The following ACSS3 variants were observed in gnomAD, a reference collection of about 807,000 sequenced individuals.
The protein encoded by ACSS3 is acyl-CoA synthetase short chain family member 3.
Under a neutral mutation model 84.2 loss-of-function variants are expected in ACSS3, and 64 were observed. The observed-to-expected ratio is 0.76, with a 90% CI of 0.62 to 0.94. The LOEUF is 0.94. Ranked by LOEUF, ACSS3 falls within the 40% of genes least tolerant of loss-of-function variation. ACSS3 has a pLI of 0.00. For synonymous variants in ACSS3, 317 were observed against 310.1 expected, an observed-to-expected ratio of 1.02 and a Z score of -0.23; for missense variants, 815 against 867.6, an observed-to-expected ratio of 0.94 and a Z score of 0.76.
chr12:81,152,915 G>C (rs1468010420), intron 7 of ACSS3, among the ~76,000 whole-genome samples: 1 of 152,116 alleles, frequency 6.6e-6, no homozygotes, highest in Non-Finnish European at 1.5e-5. Context: ...AAATCTCTGG[G>C]TATTATAACA....
Position 81,233,620 on chromosome 12 carries a change from T to A in ACSS3, c.1719+149T>A. ...TACTCTTACATCTCTCCCACCTCAC[T>A]TTCTCTTTTAGATATTCATATTCCC... On this transcript the variant is annotated intron_variant, in intron 13 of 15. Transcript: ENST00000548058. 3 of 1,006,936 alleles carry A rather than the reference T, an allele frequency of 3.0e-6. No homozygotes were observed. The East Asian group carries it at 7.8e-5, about 26-fold the overall frequency. The allele number at this position is 1,006,936 out of a possible 1,614,324, so 62.4% of individuals were successfully genotyped here. A position where few individuals can be genotyped will look rare whatever the true frequency, so the allele number is the denominator to read the frequency against.
chr12:81,233,903 A>G (rs978054717), intron 13 of ACSS3, among the ~76,000 whole-genome samples: 1 of 151,592 alleles, frequency 6.6e-6, no homozygotes, highest in African/African-American at 2.4e-5. Context: ...GAGGTTTTTT[A>G]AAATGTTTTA....
At chr12:81,191,088 T>A (rs2031546037) in intron 8 of ACSS3, among the ~76,000 whole-genome samples, 1 of 152,112 alleles carries the variant, frequency 6.6e-6, no homozygotes, top group African/African-American at 2.4e-5. Context: ...AGCTTCTATA[T>A]AACTTATGTT....
At chr12:81,117,284 A>G (rs1884124789) in intron 2 of ACSS3, among the ~76,000 whole-genome samples, 1 of 152,206 alleles carries the variant, frequency 6.6e-6, no homozygotes, top group Non-Finnish European at 1.5e-5. Flanking sequence ...GCATAAAATA[A>G]TCTTTAAGAA....
intron 1 of ACSS3, among the ~76,000 whole-genome samples, chr12:81,096,833 G>C (rs1239367435): frequency 6.6e-6 from 1 of 152,132 alleles, no homozygotes; most frequent in Non-Finnish European, 1.5e-5. Context: ...GTATTCCATG[G>C]TGTATATGTG....
intron 5 of ACSS3, among the ~76,000 whole-genome samples, chr12:81,145,333 C>A (rs1420876767): frequency 1.3e-5 from 2 of 152,042 alleles, no homozygotes; most frequent in Non-Finnish European, 1.5e-5. Context: ...CAATCTATTT[C>A]AATAAATTTG....
rs1266975856 is a variant in ACSS3, at chr12:81,256,134, G to T, written c.*1212G>T. ...GAGGGACAAAGGACAGTAGAAAATG[G>T]TGAAGACTGCAGATCACCTGCTATA... On this transcript the variant is annotated 3_prime_UTR_variant, in exon 16 of 16. Coordinates refer to ENST00000548058, the MANE Select transcript of ACSS3 (RefSeq NM_024560.4). 6.6e-6 allele frequency: 1 copy of T among 152,116 alleles called. No individual in the cohort carries two copies. The highest frequency in any genetic ancestry group is 2.4e-5 in the African/African-American group (1 of 41,430). 9.4% of individuals were successfully genotyped at this position (152,116 alleles called of 1,614,324 possible). A position where few individuals can be genotyped will look rare whatever the true frequency, so the allele number is the denominator to read the frequency against.
intron 10 of ACSS3, among the ~76,000 whole-genome samples, chr12:81,218,626 G>C (rs1022791778): frequency 6.6e-6 from 1 of 152,120 alleles, no homozygotes; most frequent in Non-Finnish European, 1.5e-5. Context: ...TGTTTAAACA[G>C]TCTGTCATCT....
chr12:81,241,204 G>A (rs1007923954), intron 13 of ACSS3, among the ~76,000 whole-genome samples: 2 of 151,786 alleles, frequency 1.3e-5, no homozygotes, highest in African/African-American at 4.8e-5. Context: ...CATGGTATAT[G>A]TGTGCCACAT....
At chr12:81,212,515 T>C (rs1196065230) in intron 9 of ACSS3, among the ~76,000 whole-genome samples, 1 of 152,222 alleles carries the variant, frequency 6.6e-6, no homozygotes. Context: ...TTCTTCTCCT[T>C]CTTTGAAAGA....
intron 1 of ACSS3, among the ~76,000 whole-genome samples, chr12:81,087,629 C>A (rs1364279370): frequency 6.6e-6 from 1 of 152,064 alleles, no homozygotes; most frequent in African/African-American, 2.4e-5. Flanking sequence ...CACTTTTGCG[C>A]TAATCTCACT....
Position 81,251,402 on chromosome 12 carries a change from G to T in ACSS3, c.1720-1905G>T, listed in dbSNP as rs558751317. ...GGATGATAATTGTATGCCAATTTTG[G>T]TTCATCAGTTACAACAAATGTATTG... On this transcript the variant is annotated intron_variant, in intron 13 of 15. Coordinates refer to ENST00000548058, the MANE Select transcript of ACSS3 (RefSeq NM_024560.4). Among the ~76,000 whole-genome samples, 3 of 152,038 alleles carry T rather than the reference G, an allele frequency of 2.0e-5. No homozygotes were observed. In the South Asian group the frequency reaches 6.2e-4, roughly 32 times the overall value.
chr12:81,092,356 G>A (rs898059445), intron 1 of ACSS3, among the ~76,000 whole-genome samples: 13 of 151,972 alleles, frequency 8.6e-5, no homozygotes, highest in Admixed American at 2.6e-4. Context: ...AATAGCATTC[G>A]TTTTCCTGTT....
chr12:81,252,614 T>C (rs535922718), intron 13 of ACSS3, among the ~76,000 whole-genome samples: 33 of 152,220 alleles, frequency 2.2e-4, no homozygotes, highest in Non-Finnish European at 4.1e-4. Context: ...TATATATATA[T>C]ATATTAACCC....
chr12:81,159,929 G>T (rs1039404474), intron 7 of ACSS3, among the ~76,000 whole-genome samples: 1 of 152,084 alleles, frequency 6.6e-6, no homozygotes, highest in Non-Finnish European at 1.5e-5. Flanking sequence ...AAATCTTTCC[G>T]TGTCCTGCCT....
chr12:81,097,110 A>C (rs1038996698), intron 1 of ACSS3, among the ~76,000 whole-genome samples: 2 of 152,218 alleles, frequency 1.3e-5, no homozygotes, highest in African/African-American at 2.4e-5. Context: ...ATTTAAATTT[A>C]GTTAGACACA....
chr12:81,093,966 G>T (rs1015333364), intron 1 of ACSS3, among the ~76,000 whole-genome samples: 6 of 151,938 alleles, frequency 3.9e-5, no homozygotes, highest in African/African-American at 1.5e-4. Context: ...TCACTTGTAA[G>T]AAGTGTTTTT....
chr12:81,131,626 C>G (rs911543852), intron 2 of ACSS3, among the ~76,000 whole-genome samples: 1 of 152,136 alleles, frequency 6.6e-6, no homozygotes, highest in African/African-American at 2.4e-5. Flanking sequence ...ATTTCTTTCT[C>G]CTGCCTGATT....
chr12:81,230,193 A>G (rs894713653), intron 11 of ACSS3, among the ~76,000 whole-genome samples: 1 of 151,894 alleles, frequency 6.6e-6, no homozygotes, highest in Admixed American at 6.6e-5. Flanking sequence ...TATGTTTTAC[A>G]GTATTGAAAA....
Sources: allele counts gnomAD v4.1 joint callset (sites outside exome capture counted in the v4.1 genomes callset), GRCh38; gene constraint gnomAD v4.1.1; transcripts MANE v1.5; gene names NCBI Gene and HGNC (gene_info 2026-07-23, HGNC 2026-07-21).